LDHC: variants seen among roughly 807,000 people sequenced by gnomAD.
LDHC encodes L-lactate dehydrogenase C chain.
LDHC carries 20 observed loss-of-function variants against 30.2 expected under a neutral mutation model. That is an observed-to-expected ratio of 0.66 (90% confidence interval 0.47 to 0.96). The LOEUF (loss-of-function observed/expected upper bound fraction) is 0.96, where lower values mean the gene tolerates loss of function less well. LDHC is among the 40% of genes least tolerant of loss of function. The pLI is 0.00. For synonymous variants in LDHC, 139 were observed against 132.7 expected, an observed-to-expected ratio of 1.05 and a Z score of -0.32; for missense variants, 362 against 394.9, an observed-to-expected ratio of 0.92 and a Z score of 0.71.
chr11:18,413,075 T>C (rs1476967953), intron 2 of LDHC, among the ~76,000 whole-genome samples: 3 of 149,382 alleles, frequency 2.0e-5, no homozygotes, highest in Non-Finnish European at 3.0e-5. Context: ...TTTTTTTTTC[T>C]GACTTTCCTT....
At chr11:18,428,876 G>A (rs1316049101) in intron 3 of LDHC, among the ~76,000 whole-genome samples, 40 of 135,508 alleles carry the variant, frequency 3.0e-4, no homozygotes, top group African/African-American at 3.0e-4. Context: ...CACTATCTCA[G>A]AAAAAAAAAA....
chr11:18,446,259 C>T lies in LDHC; in HGVS notation c.760C>T (p.Leu254=). The T allele has an allele frequency of 6.3e-7, 1 of 1,599,056 alleles. No homozygotes were observed. The highest frequency in any genetic ancestry group is 1.3e-5 in the African/African-American group (1 of 74,604). ...LKGYTSWAIG[L]SVMDLVGSIL... ...GGGGTATACCTCTTGGGCTATTGGACTGTCTGTGATGGATTTGGTAGGATC... is the reference window on the plus strand; with the variant it reads ...GGGGTATACCTCTTGGGCTATTGGATTGTCTGTGATGGATTTGGTAGGATC... Residue 254 remains leucine (L), a synonymous_variant, in exon 7 of 8, where the codon CTG becomes TTG. Transcript: ENST00000541669.
At chr11:18,425,811 G>A (rs1207636762) in intron 3 of LDHC, among the ~76,000 whole-genome samples, 1 of 151,842 alleles carries the variant, frequency 6.6e-6, no homozygotes, top group Admixed American at 6.6e-5. Flanking sequence ...GTGTTGGCAG[G>A]CGCCTGTAGT....
intron 3 of LDHC, among the ~76,000 whole-genome samples, chr11:18,417,321 T>C (rs1867040982): frequency 6.6e-6 from 1 of 152,202 alleles, no homozygotes; most frequent in African/African-American, 2.4e-5. Flanking sequence ...ATAATGATCA[T>C]TTAGATTGCT....
intron 2 of LDHC, 59 bp downstream of exon 2, chr11:18,412,902 A>G (rs1866920164): frequency 6.5e-7 from 1 of 1,537,906 alleles, no homozygotes; most frequent in African/African-American, 1.4e-5. Context: ...AGTGTTGTAT[A>G]TGTCGATGTA....
chr11:18,433,577 A>G (rs961083737), intron 4 of LDHC, among the ~76,000 whole-genome samples: 12 of 152,156 alleles, frequency 7.9e-5, no homozygotes, highest in African/African-American at 1.9e-4. Flanking sequence ...ACTGGATACA[A>G]CATTCTTGGC....
Position 18,451,699 on chromosome 11 carries a change from C to T in LDHC, c.*572C>T, listed in dbSNP as rs2133851852. The T allele has an allele frequency of 6.6e-6, 1 of 152,214 alleles. No homozygotes were observed. The highest frequency in any genetic ancestry group is 3.4e-3 in the Middle Eastern group (1 of 294). 9.4% of individuals were successfully genotyped at this position (152,214 alleles called of 1,614,324 possible). On this transcript the variant is annotated 3_prime_UTR_variant, in exon 8 of 8. Coordinates refer to ENST00000541669, the MANE Select transcript of LDHC (RefSeq NM_017448.5). ...GTGCTGTGGCTCATGGCTGTAATCCCAGTGCTTTGGGAGGGTGAGGCAAGA... is the reference window on the plus strand; with the variant it reads ...GTGCTGTGGCTCATGGCTGTAATCCTAGTGCTTTGGGAGGGTGAGGCAAGA...
intron 3 of LDHC, among the ~76,000 whole-genome samples, chr11:18,428,810 C>T (rs1054098074): frequency 6.0e-5 from 9 of 149,482 alleles, no homozygotes; most frequent in East Asian, 4.0e-4. Context: ...GAGTGGCAGA[C>T]GTTGCAGTGA....
At chr11:18,421,659 G>A (rs1261558356) in intron 3 of LDHC, among the ~76,000 whole-genome samples, 1 of 151,654 alleles carries the variant, frequency 6.6e-6, no homozygotes, top group Admixed American at 6.6e-5. Context: ...GGTGACAAGA[G>A]CAAAACTCCA....
chr11:18,427,287 G>A (rs113598361), intron 3 of LDHC, among the ~76,000 whole-genome samples: 255 of 152,228 alleles, frequency 1.7e-3, no homozygotes, highest in African/African-American at 4.8e-3. Flanking sequence ...CCTGGGAGGC[G>A]GAGGTTGCAG....
rs1417576554 is a variant in LDHC at position 18,451,900 on chromosome 11, C to T, written c.*773C>T. ...TCAAGGCTATGATTGTGTCACTGCA[C>T]TCCAGCCTGGGCCACAGAGGAAGAC... On this transcript the variant is annotated 3_prime_UTR_variant, in exon 8 of 8. Coordinates refer to ENST00000541669, the MANE Select transcript of LDHC (RefSeq NM_017448.5). 6.6e-6 allele frequency: 1 copy of T among 152,208 alleles called. No individual in the cohort carries two copies. Among genetic ancestry groups the T allele is most frequent in the Non-Finnish European group, 1.5e-5 (1 of 68,054 alleles). 9.4% of individuals were successfully genotyped at this position (152,208 alleles called of 1,614,324 possible).
intron 6 of LDHC, among the ~76,000 whole-genome samples, chr11:18,442,865 G>A (rs1848491346): frequency 1.3e-5 from 2 of 151,952 alleles, no homozygotes; most frequent in South Asian, 4.1e-4. Context: ...GTTTCACCAT[G>A]TTGGTCAAAC....
chr11:18,439,456 G>C (rs1409413940), intron 6 of LDHC, among the ~76,000 whole-genome samples: 1 of 151,010 alleles, frequency 6.6e-6, no homozygotes, highest in African/African-American at 2.4e-5. Context: ...CCAGGTACTT[G>C]GGAGGCTGAG....
At chr11:18,413,128 T>TTGGA (rs1412720357) in intron 2 of LDHC, among the ~76,000 whole-genome samples, 1 of 151,592 alleles carries the variant, frequency 6.6e-6, no homozygotes, top group Non-Finnish European at 1.5e-5. Flanking sequence ...GTTACCCAGG[T>TTGGA]TGGAGTGCAG....
chr11:18,444,604 GTATA>G (rs60764598), intron 6 of LDHC, among the ~76,000 whole-genome samples: 1,090 of 88,882 alleles, frequency 0.012, 11 homozygotes, highest in African/African-American at 0.015. Flanking sequence ...TGTTCAGGTG[GTATA>G]TATATATATA....
chr11:18,426,324 C>T (rs1848161768), intron 3 of LDHC, among the ~76,000 whole-genome samples: 1 of 152,014 alleles, frequency 6.6e-6, no homozygotes, highest in South Asian at 2.1e-4. Flanking sequence ...GTCAGGAGTT[C>T]AAGACCAACC....
intron 4 of LDHC, among the ~76,000 whole-genome samples, chr11:18,432,106 A>G (rs1400405584): frequency 1.3e-5 from 2 of 152,150 alleles, no homozygotes; most frequent in Non-Finnish European, 2.9e-5. Flanking sequence ...ATTTAGGGCT[A>G]TGAACTTTCC....
Position 18,451,133 on chromosome 11 carries a change from A to C in LDHC, c.*6A>C. 2 of 1,482,014 alleles carry C rather than the reference A, an allele frequency of 1.3e-6. No homozygotes were observed. The highest frequency in any genetic ancestry group is 2.8e-5 in the South Asian group (2 of 70,620). 91.8% of individuals were successfully genotyped at this position (1,482,014 alleles called of 1,614,324 possible). ...AAAAGGATCTAATATTTTAAATTAA[A>C]GCCTTCTAATGTTCCACTGTTTGGA... On this transcript the variant is annotated 3_prime_UTR_variant, in exon 8 of 8. Coordinates refer to ENST00000541669, the MANE Select transcript of LDHC (RefSeq NM_017448.5).
At position 18,423,136 on chromosome 11, in the gene LDHC, C is replaced by T. The variant is rs199904372; in HGVS notation, c.245-6601C>T. On this transcript the variant is annotated intron_variant, in intron 3 of 7. Transcript: ENST00000541669. ...GGTCAGGAGTTCGAGACCAGCCTGG[C>T]CAACATGGTGAAACCCTGTCTCTGC... is the stretch of plus-strand genomic sequence containing the variant. Among the ~76,000 whole-genome samples the T allele has an allele frequency of 4.6e-5, 7 of 152,110 alleles. No homozygotes were observed. In the East Asian group the frequency reaches 1.4e-3, roughly 29 times the overall value.
Sources: allele counts gnomAD v4.1 joint callset (sites outside exome capture counted in the v4.1 genomes callset), GRCh38; gene constraint gnomAD v4.1.1; transcripts MANE v1.5; gene names NCBI Gene and HGNC (gene_info 2026-07-23, HGNC 2026-07-21).